The following ITPR2 variants were observed in gnomAD, a reference collection of about 807,000 sequenced individuals.
The protein encoded by ITPR2 is inositol 1,4,5-trisphosphate-gated calcium channel ITPR2.
ITPR2 carries 207 observed loss-of-function variants against 317.1 expected under a neutral mutation model. The observed-to-expected ratio is 0.65, with a 90% confidence interval of 0.58 to 0.73. The LOEUF is 0.73. ITPR2 is among the 30% of genes least tolerant of loss of function. The pLI is 0.00. For synonymous variants in ITPR2, 1,156 were observed against 1,149.1 expected (o/e 1.01, Z -0.12); for missense variants, 2,613 against 3,284.0 (o/e 0.80, Z 4.99).
intron 15 of ITPR2, among the ~76,000 whole-genome samples, chr12:26,659,902 G>A (rs1354980120): frequency 6.6e-6 from 1 of 152,134 alleles, no homozygotes; most frequent in Non-Finnish European, 1.5e-5. Context: ...TAAAATAATG[G>A]TAAAATGTCA....
chr12:26,407,067 C>A (rs1591996361), intron 52 of ITPR2, among the ~76,000 whole-genome samples: 1 of 152,198 alleles, frequency 6.6e-6, no homozygotes, highest in African/African-American at 2.4e-5. Flanking sequence ...CCTCCCTACT[C>A]TGGCAGCTAT....
At chr12:26,807,422 C>G (rs1258625249) in intron 1 of ITPR2, among the ~76,000 whole-genome samples, 2 of 152,146 alleles carry the variant, frequency 1.3e-5, no homozygotes, top group Non-Finnish European at 2.9e-5. Context: ...TACTTATGAA[C>G]CCAGCCAAGC....
chr12:26,641,716 C>T (rs1211398595), intron 21 of ITPR2, among the ~76,000 whole-genome samples: 1 of 151,988 alleles, frequency 6.6e-6, no homozygotes, highest in Non-Finnish European at 1.5e-5. Context: ...TGATGTGTAG[C>T]CTGGCATCCG....
At chr12:26,723,262 T>G (rs1948867020) in intron 4 of ITPR2, among the ~76,000 whole-genome samples, 2 of 152,158 alleles carry the variant, frequency 1.3e-5, no homozygotes, top group South Asian at 4.2e-4. Flanking sequence ...AGTAAGAAAT[T>G]ATCTCAAAAT....
At chr12:26,696,024 T>C (rs1948340173) in intron 9 of ITPR2, among the ~76,000 whole-genome samples, 1 of 152,128 alleles carries the variant, frequency 6.6e-6, no homozygotes, top group Non-Finnish European at 1.5e-5. Flanking sequence ...AGTGGGACAT[T>C]GATGATTTGA....
At chr12:26,676,071 T>C (rs1030348901) in intron 13 of ITPR2, among the ~76,000 whole-genome samples, 58 of 152,090 alleles carry the variant, frequency 3.8e-4, no homozygotes, top group Non-Finnish European at 6.2e-4. Flanking sequence ...GGCAGGAGAA[T>C]CGCTTGAACC....
intron 2 of ITPR2, among the ~76,000 whole-genome samples, chr12:26,785,012 A>G (rs1203399052): frequency 5.7e-5 from 1 of 17,676 alleles, no homozygotes; most frequent in African/African-American, 1.3e-4. Context: ...CTGGGAGGTG[A>G]GGAGCGTCTC....
At chr12:26,634,943 C>CT (rs1251466398) in intron 21 of ITPR2, among the ~76,000 whole-genome samples, 1 of 141,552 alleles carries the variant, frequency 7.1e-6, no homozygotes, top group Non-Finnish European at 1.5e-5. Flanking sequence ...GACGGGTCAA[C>CT]TTTTCAGGTT....
chr12:26,621,374 C>T (rs1946489967), intron 25 of ITPR2, 78 bp from the exon 26 acceptor site: 8 of 1,062,770 alleles, frequency 7.5e-6, no homozygotes. Context: ...TGTATATTGA[C>T]CATGAAAACC....
intron 34 of ITPR2, among the ~76,000 whole-genome samples, chr12:26,565,858 AGAGGGGAG>A (rs1944948991): frequency 1.2e-5 from 1 of 80,522 alleles, no homozygotes; most frequent in Non-Finnish European, 2.6e-5. Flanking sequence ...AGAGGAGAGG[AGAGGGGAG>A]GGGAGGAGAG....
Position 26,722,424 on chromosome 12 carries a change from G to A in ITPR2, c.498C>T (p.Phe166=), listed in dbSNP as rs563917550. 6.2e-7 allele frequency: 1 copy of A among 1,611,700 alleles called. No homozygotes were observed. Among genetic ancestry groups the A allele is most frequent in the Admixed American group, 1.7e-5 (1 of 59,842 alleles). Residue 166 remains phenylalanine (F), a synonymous_variant, in exon 5 of 57, where the codon TTC becomes TTT. Coordinates refer to ENST00000381340, the MANE Select transcript of ITPR2 (RefSeq NM_002223.4). The part of the protein sequence containing the change: ...NEGSWFYIHP[F]WKLRSEGDNI... ...TGTCACCCTCGCTTCTCAGTTTCCA[G>A]AACGGATGAATATAAAACCAAGACC...
chr12:26,801,688 T>C (rs745837538), intron 1 of ITPR2, among the ~76,000 whole-genome samples: 4 of 152,206 alleles, frequency 2.6e-5, no homozygotes, highest in Non-Finnish European at 4.4e-5. Context: ...AAGATACCCC[T>C]AGTTTTTTCC....
intron 1 of ITPR2, among the ~76,000 whole-genome samples, chr12:26,814,210 C>A (rs925949695): frequency 2.0e-5 from 3 of 152,152 alleles, no homozygotes; most frequent in African/African-American, 7.2e-5. Flanking sequence ...AAGGGCAGGA[C>A]TAATGCTGAT....
intron 2 of ITPR2, among the ~76,000 whole-genome samples, chr12:26,737,351 G>A (rs2137074764): frequency 6.6e-6 from 1 of 151,990 alleles, no homozygotes; most frequent in Non-Finnish European, 1.5e-5. Context: ...CACCTTCCAG[G>A]TTCAAGCGAT....
At chr12:26,738,815 A>G (rs1323183279) in intron 2 of ITPR2, among the ~76,000 whole-genome samples, 2 of 152,138 alleles carry the variant, frequency 1.3e-5, no homozygotes, top group Non-Finnish European at 2.9e-5. Flanking sequence ...TTAAAAATGT[A>G]TCATGTCCTT....
intron 13 of ITPR2, among the ~76,000 whole-genome samples, chr12:26,668,766 T>A (rs1197695628): frequency 6.6e-6 from 1 of 151,838 alleles, no homozygotes; most frequent in Non-Finnish European, 1.5e-5. Flanking sequence ...AGACAACGTA[T>A]TTTAAAAAGG....
rs1485418538 is a variant in ITPR2, at chr12:26,657,639, A to G, written c.2192+68T>C. ...CTTCATAGATACCTAACTAGTGGCT[A>G]CAGAGAACCAGTTCTCAATTAATAT... On this transcript the variant is annotated intron_variant, in intron 18 of 56. Coordinates refer to ENST00000381340, the MANE Select transcript of ITPR2 (RefSeq NM_002223.4). 16 of 1,379,400 alleles carry G rather than the reference A, an allele frequency of 1.2e-5. No individual in the cohort carries two copies. In the East Asian group the frequency reaches 3.4e-4, roughly 30 times the overall value. 85.4% of individuals were successfully genotyped at this position (1,379,400 alleles called of 1,614,324 possible).
At chr12:26,819,088 T>C (rs1323935070) in intron 1 of ITPR2, among the ~76,000 whole-genome samples, 1 of 152,230 alleles carries the variant, frequency 6.6e-6, no homozygotes, top group Non-Finnish European at 1.5e-5. Flanking sequence ...AAGAGCATTA[T>C]AGGATGTTAG....
At chr12:26,403,801 A>T (rs1240480888) in intron 52 of ITPR2, among the ~76,000 whole-genome samples, 1 of 152,190 alleles carries the variant, frequency 6.6e-6, no homozygotes, top group East Asian at 1.9e-4. Context: ...AAGGCATCTC[A>T]AGTGCCAGGG....
Sources: gnomAD v4.1 joint callset for allele counts (sites outside exome capture counted in the v4.1 genomes callset) on GRCh38, gnomAD v4.1.1 for gene constraint, MANE v1.5 for transcripts, NCBI Gene and HGNC (gene_info 2026-07-23, HGNC 2026-07-21) for gene names.